Variants in XRN1 observed in about 807,000 individuals in gnomAD.
XRN1 encodes the protein strand-exchange protein 1 homolog.
Under a neutral mutation model 222.3 loss-of-function variants are expected in XRN1, and 67 were observed. The ratio of observed to expected loss-of-function variants is 0.30; its 90% CI spans 0.25 to 0.37. XRN1 has a LOEUF of 0.37. Ranked by LOEUF, XRN1 falls within the 10% of genes least tolerant of loss-of-function variation. The pLI, the probability that XRN1 is intolerant of heterozygous loss-of-function variation, is 1.00. For synonymous variants in XRN1, 643 were observed against 652.4 expected (o/e 0.99, Z 0.22); for missense variants, 1,707 against 2,000.2 (o/e 0.85, Z 2.80).
In XRN1 at chr3:142,403,764, CAA is replaced by C. The variant is rs1197134126; in HGVS notation, c.2011_2012del (p.Leu671GlufsTer29). The C allele has an allele frequency of 6.2e-7, 1 of 1,611,644 alleles. No homozygotes were observed. The highest frequency in any genetic ancestry group is 1.1e-5 in the South Asian group (1 of 90,526). ...GGAATACTTGAACACCACTTTTCTTCAAAAAAAACTTTAAAAGAATTCAAATA... is the reference window on the plus strand; with the variant it reads ...GGAATACTTGAACACCACTTTTCTTCAAAAAACTTTAAAAGAATTCAAATA... ...TLKHIRHKFF[L>X]KKSGVQVFQQ... On this transcript the variant is annotated frameshift_variant, in exon 18 of 41. Coordinates refer to ENST00000392981, the MANE Select transcript of XRN1 (RefSeq NM_001282857.2). LOFTEE classifies it high-confidence loss of function.
intron 13 of XRN1, 79 bp from the exon 14 acceptor site, chr3:142,414,370 T>G: frequency 9.2e-7 from 1 of 1,091,184 alleles, no homozygotes; most frequent in Non-Finnish European, 1.2e-6. Context: ...TTTCCCCATA[T>G]TTTAACAACA....
chr3:142,438,557 C>CT (rs2070034469), intron 1 of XRN1, among the ~76,000 whole-genome samples: 1 of 152,078 alleles, frequency 6.6e-6, no homozygotes, highest in Non-Finnish European at 1.5e-5. Context: ...TCCCTCTGTT[C>CT]TTTTTTCAGA....
chr3:142,325,845 T>C (rs771618956), intron 37 of XRN1, among the ~76,000 whole-genome samples: 3 of 152,154 alleles, frequency 2.0e-5, no homozygotes, highest in Non-Finnish European at 4.4e-5. Flanking sequence ...TTTTTGAAAA[T>C]GGTGAGAGAT....
chr3:142,332,936 C>T, intron 35 of XRN1, 31 bp downstream of exon 35: 2 of 1,607,818 alleles, frequency 1.2e-6, no homozygotes, highest in Non-Finnish European at 1.7e-6. Context: ...GAGAAATTAC[C>T]ACAGTAAGAA....
intron 5 of XRN1, among the ~76,000 whole-genome samples, chr3:142,424,448 T>A (rs2069167946): frequency 6.6e-6 from 1 of 152,158 alleles, no homozygotes; most frequent in Non-Finnish European, 1.5e-5. Context: ...TTGACACATA[T>A]CAATCAAACG....
At chr3:142,324,738 C>A (rs2065467803) in intron 37 of XRN1, among the ~76,000 whole-genome samples, 2 of 151,964 alleles carry the variant, frequency 1.3e-5, no homozygotes, top group African/African-American at 4.8e-5. Context: ...CCTATTTCCC[C>A]ATATCCTCTC....
chr3:142,430,214 G>C (rs1276380209), intron 2 of XRN1, among the ~76,000 whole-genome samples: 1 of 152,150 alleles, frequency 6.6e-6, no homozygotes, highest in Non-Finnish European at 1.5e-5. Context: ...GGCTCACCTA[G>C]ATTCCCGCCC....
At position 142,357,108 on chromosome 3, in the gene XRN1, C is replaced by T. The variant is rs367885571; in HGVS notation, c.3476G>A (p.Gly1159Asp). Residue 1159 changes from glycine (G) to aspartate (D), a missense_variant, in exon 31 of 41, where the codon GGT becomes GAT. Gly to Asp is a moderately conservative substitution (Grantham distance 94, BLOSUM62 -1). This residue lies in a region of XRN1 where 1,234 missense variants were observed against 1,518.2 expected (regional missense o/e 0.81). Transcript: ENST00000392981. The part of the protein sequence containing the change: ...PGGLTIRCSP[G>D]RGYRLPTSAL... The stretch of plus-strand genomic sequence containing the variant: ...ACTTGTTGGCAGTCGATAACCTCTA[C>T]CAGGTGAGCATCTAAAAGTAAAAGT... 6.2e-7 allele frequency: 1 copy of T among 1,610,386 alleles called. No individual in the cohort carries two copies. The highest frequency in any genetic ancestry group is 8.5e-7 in the Non-Finnish European group (1 of 1,178,248).
At chr3:142,341,144 T>C (rs898702403) in intron 33 of XRN1, among the ~76,000 whole-genome samples, 1 of 152,156 alleles carries the variant, frequency 6.6e-6, no homozygotes, top group Non-Finnish European at 1.5e-5. Flanking sequence ...AAAATATTAT[T>C]AAGCAGGAGG....
chr3:142,437,372 A>G (rs1197241585), intron 1 of XRN1, among the ~76,000 whole-genome samples: 3 of 152,140 alleles, frequency 2.0e-5, no homozygotes, highest in Admixed American at 6.5e-5. Flanking sequence ...ACACTGGTCC[A>G]TGCCCCTCAG....
intron 1 of XRN1, among the ~76,000 whole-genome samples, chr3:142,433,822 A>C (rs932782524): frequency 1.3e-5 from 2 of 152,230 alleles, no homozygotes; most frequent in Non-Finnish European, 2.9e-5. Flanking sequence ...ACAGTAATTC[A>C]AGTTTTACAA....
intron 6 of XRN1, 104 bp downstream of exon 6, chr3:142,423,456 G>T: frequency 1.2e-6 from 1 of 857,684 alleles, no homozygotes. Flanking sequence ...ATAGTGAAAA[G>T]GCAACCTACG....
At chr3:142,429,766 T>A (rs542760756) in intron 2 of XRN1, 1 of 152,338 alleles carries the variant, frequency 6.6e-6, no homozygotes, top group Non-Finnish European at 1.5e-5. Flanking sequence ...GACTCAGATT[T>A]TGCCAATTAG....
chr3:142,345,975 T>C (rs560597280), intron 33 of XRN1, among the ~76,000 whole-genome samples: 4 of 152,320 alleles, frequency 2.6e-5, no homozygotes, highest in African/African-American at 4.8e-5. Flanking sequence ...TCGGCAGTTA[T>C]ACAAAAAGCT....
At chr3:142,384,494 G>A (rs777992911) in intron 21 of XRN1, 29 bp downstream of exon 21, 2 of 1,572,284 alleles carry the variant, frequency 1.3e-6, no homozygotes, top group South Asian at 2.3e-5. Flanking sequence ...TGTATATTAA[G>A]ACAGAATTGA....
At chr3:142,402,768 G>C (rs1442306288) in intron 18 of XRN1, among the ~76,000 whole-genome samples, 1 of 151,744 alleles carries the variant, frequency 6.6e-6, no homozygotes, top group Admixed American at 6.6e-5. Context: ...CAACTCCCCT[G>C]TTTTAACTTT....
intron 20 of XRN1, among the ~76,000 whole-genome samples, chr3:142,391,063 C>T (rs1334878580): frequency 6.6e-6 from 1 of 152,156 alleles, no homozygotes; most frequent in Non-Finnish European, 1.5e-5. Flanking sequence ...TTAAAAATCA[C>T]TGATCATAGA....
chr3:142,391,743 A>AT (rs2067723373), intron 20 of XRN1, among the ~76,000 whole-genome samples: 2 of 77,364 alleles, frequency 2.6e-5, no homozygotes, highest in African/African-American at 7.3e-5. Context: ...CACTAAAAAA[A>AT]AAAAAAATAT....
intron 31 of XRN1, 122 bp downstream of exon 31, chr3:142,356,790 G>T: frequency 9.4e-7 from 1 of 1,061,930 alleles, no homozygotes; most frequent in Non-Finnish European, 1.3e-6. Context: ...GAATTGACCT[G>T]AGCCAAAACT....
Sources: allele counts gnomAD v4.1 joint callset (sites outside exome capture counted in the v4.1 genomes callset), GRCh38; gene constraint gnomAD v4.1.1; regional missense constraint gnomAD v4.1.1; transcripts MANE v1.5; gene names NCBI Gene and HGNC (gene_info 2026-07-23, HGNC 2026-07-21).